PEX14: variants seen among roughly 807,000 people sequenced by gnomAD.
PEX14 encodes peroxisomal biogenesis factor 14, also known as peroxisomal membrane protein PEX14.
PEX14 carries 15 observed loss-of-function variants against 49.5 expected under a neutral mutation model. The ratio of observed to expected loss-of-function variants is 0.30; its 90% CI spans 0.20 to 0.47. The LOEUF is 0.47. PEX14 is among the 20% of genes least tolerant of loss of function. The pLI is 1.00. For missense variants in PEX14, 398 were observed against 494.8 expected, an observed-to-expected ratio of 0.80 and a Z score of 1.86; for synonymous variants, 210 against 212.7, an observed-to-expected ratio of 0.99 and a Z score of 0.11.
intron 5 of PEX14, among the ~76,000 whole-genome samples, chr1:10,622,440 G>A (rs897882374): frequency 1.3e-5 from 2 of 152,188 alleles, no homozygotes; most frequent in Admixed American, 6.5e-5. Flanking sequence ...GAGCGCACAT[G>A]TTATCCCCTG....
intron 3 of PEX14, among the ~76,000 whole-genome samples, chr1:10,552,925 A>T (rs1430530277): frequency 6.6e-6 from 1 of 152,116 alleles, no homozygotes; most frequent in Non-Finnish European, 1.5e-5. Context: ...CATGCAGAGG[A>T]TGTGATGGGG....
intron 3 of PEX14, among the ~76,000 whole-genome samples, chr1:10,555,049 G>A (rs571909213): frequency 6.6e-6 from 1 of 152,044 alleles, no homozygotes; most frequent in South Asian, 2.1e-4. Flanking sequence ...CTTGATCTGG[G>A]GCTGCAGTAA....
At chr1:10,550,595 T>C (rs1233268493) in intron 3 of PEX14, among the ~76,000 whole-genome samples, 1 of 152,256 alleles carries the variant, frequency 6.6e-6, no homozygotes, top group Non-Finnish European at 1.5e-5. Flanking sequence ...GACTGTATAA[T>C]AGCCACTGGC....
intron 4 of PEX14, among the ~76,000 whole-genome samples, chr1:10,611,889 G>C (rs576450866): frequency 6.6e-6 from 1 of 152,262 alleles, no homozygotes; most frequent in East Asian, 1.9e-4. Context: ...AGTTACAAGT[G>C]CTTTGTCAGA....
At chr1:10,481,153 T>C (rs1341698303) in intron 1 of PEX14, among the ~76,000 whole-genome samples, 1 of 149,990 alleles carries the variant, frequency 6.7e-6, no homozygotes, top group Non-Finnish European at 1.5e-5. Flanking sequence ...TTTTTTTTTG[T>C]TTGAGACAGA....
rs1239413808 is a variant in PEX14 at position 10,623,279 on chromosome 1, C to T, written c.487+158C>T. ...TTTGCAAATGAAGCCGCCGTCATTTCGGTTTAATTTGAAATTGCTTGTTTA... is the reference window on the plus strand; with the variant it reads ...TTTGCAAATGAAGCCGCCGTCATTTTGGTTTAATTTGAAATTGCTTGTTTA... On this transcript the variant is annotated intron_variant, in intron 6 of 8. Coordinates refer to ENST00000356607, the MANE Select transcript of PEX14 (RefSeq NM_004565.3). The surrounding 1 kb of genome is among the most constrained non-coding windows in gnomAD (Gnocchi z 4.4). 1.5e-6 allele frequency: 1 copy of T among 656,406 alleles called. No individual in the cohort carries two copies. The highest frequency in any genetic ancestry group is 1.6e-5 in the South Asian group (1 of 63,076). 40.7% of individuals were successfully genotyped at this position (656,406 alleles called of 1,614,324 possible).
At position 10,482,667 on chromosome 1, in the gene PEX14, C is replaced by T. The variant is rs1440512202; in HGVS notation, c.36+7665C>T. On this transcript the variant is annotated intron_variant, in intron 1 of 8. Coordinates refer to ENST00000356607, the MANE Select transcript of PEX14 (RefSeq NM_004565.3). Reference sequence around the variant, plus strand: ...CAGGATGGTCTCGATGTCTTGACCTCATGATCCACCTGCCTTGGCCTCCCA... The same window carrying T: ...CAGGATGGTCTCGATGTCTTGACCTTATGATCCACCTGCCTTGGCCTCCCA... 2.0e-5 allele frequency among the ~76,000 whole-genome samples: 3 copies of T among 151,398 alleles called. 1 individual carries two copies. Among genetic ancestry groups the T allele is most frequent in the Non-Finnish European group, 4.4e-5 (3 of 67,872 alleles).
chr1:10,509,380 TTC>T (rs1421850628), intron 2 of PEX14, among the ~76,000 whole-genome samples: 2 of 152,256 alleles, frequency 1.3e-5, no homozygotes, highest in African/African-American at 4.8e-5. Flanking sequence ...GGTTTATAAT[TTC>T]TGTTTATCAA....
intron 3 of PEX14, among the ~76,000 whole-genome samples, chr1:10,590,471 ATAT>A (rs1231569014): frequency 6.6e-6 from 1 of 152,142 alleles, no homozygotes; most frequent in Non-Finnish European, 1.5e-5. Context: ...TATATAATCT[ATAT>A]TATTCTATAT....
rs1228872385 is a variant in PEX14, at chr1:10,512,222, T to C, written c.84+16901T>C. Among the ~76,000 whole-genome samples the C allele has an allele frequency of 6.6e-6, 1 of 152,152 alleles. No individual in the cohort carries two copies. The highest frequency in any genetic ancestry group is 2.4e-5 in the African/African-American group (1 of 41,416). On this transcript the variant is annotated intron_variant, in intron 2 of 8. Transcript: ENST00000356607. This position sits in a 1 kb window ranked among gnomAD's most constrained non-coding sequence, Gnocchi z 4.6. ...ATCTGCCCTCCTCGGCCTCCCAAAG[T>C]GCTGAGATTACAGACGTGAGCCACC...
At chr1:10,552,373 C>T (rs935756431) in intron 3 of PEX14, among the ~76,000 whole-genome samples, 2 of 151,950 alleles carry the variant, frequency 1.3e-5, no homozygotes, top group African/African-American at 2.4e-5. Flanking sequence ...ACCTGGGAGG[C>T]GGAGTTTACA....
At chr1:10,559,516 A>G (rs1017621702) in intron 3 of PEX14, among the ~76,000 whole-genome samples, 4 of 152,190 alleles carry the variant, frequency 2.6e-5, no homozygotes, top group Admixed American at 1.3e-4. Flanking sequence ...ATCAGTGAGT[A>G]GACCCCTGTG....
At chr1:10,603,494 T>C (rs1641043271) in intron 4 of PEX14, among the ~76,000 whole-genome samples, 1 of 152,032 alleles carries the variant, frequency 6.6e-6, no homozygotes, top group African/African-American at 2.4e-5. Flanking sequence ...TGTCACCTGG[T>C]GTGAGCATAA....
chr1:10,525,787 G>A (rs1176774164), intron 2 of PEX14, among the ~76,000 whole-genome samples: 1 of 151,896 alleles, frequency 6.6e-6, no homozygotes, highest in Non-Finnish European at 1.5e-5. Flanking sequence ...CACCACACCC[G>A]GCTAATTTTT....
chr1:10,610,745 G>A (rs1001056038), intron 4 of PEX14, among the ~76,000 whole-genome samples: 1 of 152,056 alleles, frequency 6.6e-6, no homozygotes, highest in African/African-American at 2.4e-5. Flanking sequence ...CGTCCGCCTT[G>A]GCCTCCCAAA....
rs553117700 is a variant in PEX14 at position 10,578,152 on chromosome 1, A to G, written c.170-21086A>G. Among the ~76,000 whole-genome samples the G allele has an allele frequency of 9.8e-5, 15 of 152,294 alleles. 1 individual carries two copies. In the South Asian group the frequency reaches 2.5e-3, roughly 25 times the overall value. On this transcript the variant is annotated intron_variant, in intron 3 of 8. Coordinates refer to ENST00000356607, the MANE Select transcript of PEX14 (RefSeq NM_004565.3). ...CATGCTGGGGATCACCCCGAAGTAC[A>G]TATAAACACCCCTCACATGCTAGAC...
chr1:10,611,941 T>C (rs1056033247), intron 4 of PEX14, among the ~76,000 whole-genome samples: 1 of 152,240 alleles, frequency 6.6e-6, no homozygotes, highest in Non-Finnish European at 1.5e-5. Context: ...ATGGCTTGTC[T>C]CTTCATTTTC....
At chr1:10,497,536 G>A (rs543637520) in intron 2 of PEX14, among the ~76,000 whole-genome samples, 78 of 151,900 alleles carry the variant, frequency 5.1e-4, no homozygotes, top group African/African-American at 1.8e-3. Flanking sequence ...ACTTTGGGAA[G>A]AAAAGGCATT....
chr1:10,517,940 G>A (rs1642000117), intron 2 of PEX14, among the ~76,000 whole-genome samples: 2 of 152,080 alleles, frequency 1.3e-5, no homozygotes, highest in Non-Finnish European at 2.9e-5. Context: ...CCAGGCAAAT[G>A]GTGGACTCTA....
Sources: allele counts gnomAD v4.1 joint callset (sites outside exome capture counted in the v4.1 genomes callset), GRCh38; gene constraint gnomAD v4.1.1; non-coding constraint Gnocchi (gnomAD v3.1); transcripts MANE v1.5; gene names NCBI Gene and HGNC (gene_info 2026-07-23, HGNC 2026-07-21).